The following ELOVL6 variants were observed in gnomAD, a reference collection of about 807,000 sequenced individuals.
ELOVL6 encodes very long chain fatty acid elongase 6.
Under a neutral mutation model 31.7 loss-of-function variants are expected in ELOVL6, and 8 were observed. The ratio of observed to expected loss-of-function variants is 0.25; its 90% CI spans 0.15 to 0.45. ELOVL6 has a LOEUF of 0.45. Ranked by LOEUF, ELOVL6 falls within the 20% of genes least tolerant of loss-of-function variation. The probability of loss-of-function intolerance (pLI) is 1.00; values close to 1 mark genes in which losing one functional copy is unlikely to be tolerated. For synonymous variants in ELOVL6, 101 were observed against 117.7 expected (o/e 0.86, Z 0.92); for missense variants, 126 against 326.4 (o/e 0.39, Z 4.73).
chr4:110,157,104 T>C (rs915889236), intron 1 of ELOVL6, among the ~76,000 whole-genome samples: 2 of 152,050 alleles, frequency 1.3e-5, no homozygotes, highest in Non-Finnish European at 2.9e-5. Context: ...TCACTGCCCA[T>C]TTGGGGTTCT....
intron 3 of ELOVL6, among the ~76,000 whole-genome samples, chr4:110,054,936 T>A (rs1754937612): frequency 6.6e-6 from 1 of 152,144 alleles, no homozygotes; most frequent in Non-Finnish European, 1.5e-5. Context: ...AGAACACATA[T>A]GCACGATGGT....
At chr4:110,167,298 A>G (rs1462042809) in intron 1 of ELOVL6, among the ~76,000 whole-genome samples, 1 of 152,214 alleles carries the variant, frequency 6.6e-6, no homozygotes, top group Non-Finnish European at 1.5e-5. Context: ...TTTAGTACAT[A>G]CAGCGTTAAG....
At chr4:110,058,970 T>C (rs1363293020) in intron 3 of ELOVL6, among the ~76,000 whole-genome samples, 1 of 152,192 alleles carries the variant, frequency 6.6e-6, no homozygotes, top group East Asian at 1.9e-4. Flanking sequence ...TTACTATTTC[T>C]GGTAACCTGT....
chr4:110,111,851 T>C (rs1450970602), intron 1 of ELOVL6, among the ~76,000 whole-genome samples: 1 of 152,146 alleles, frequency 6.6e-6, no homozygotes, highest in Non-Finnish European at 1.5e-5. Context: ...GGGCTAAAGT[T>C]GGGTTGTGTG....
At chr4:110,108,652 TCA>T (rs1756951795) in intron 1 of ELOVL6, among the ~76,000 whole-genome samples, 1 of 152,222 alleles carries the variant, frequency 6.6e-6, no homozygotes, top group South Asian at 2.1e-4. Context: ...CAATAGTCAC[TCA>T]CAGTCACACA....
chr4:110,111,205 C>A (rs1476504313), intron 1 of ELOVL6, among the ~76,000 whole-genome samples: 1 of 152,148 alleles, frequency 6.6e-6, no homozygotes, highest in East Asian at 1.9e-4. Flanking sequence ...TTTAAAAAAT[C>A]TTGGTGCATT....
rs540612561 is a variant in ELOVL6, at chr4:110,122,928, C to T, written c.90-17300G>A. On this transcript the variant is annotated intron_variant, in intron 1 of 3. Coordinates refer to ENST00000302274, the MANE Select transcript of ELOVL6 (RefSeq NM_024090.3). The stretch of plus-strand genomic sequence containing the variant: ...ACTGCTTCTAGGTCAAGTTGCCTAT[C>T]CCTTCCTTCATCACCACTGTGCTTT... Among the ~76,000 whole-genome samples, 8 of 152,290 alleles carry T rather than the reference C, an allele frequency of 5.3e-5. No individual in the cohort carries two copies. The South Asian group carries it at 1.7e-3, about 32-fold the overall frequency.
chr4:110,056,923 T>C (rs541544416), intron 3 of ELOVL6, among the ~76,000 whole-genome samples: 1 of 152,116 alleles, frequency 6.6e-6, no homozygotes, highest in South Asian at 2.1e-4. Context: ...ACAGGTGATA[T>C]TAACATCATC....
At chr4:110,172,875 A>C (rs1010595891) in intron 1 of ELOVL6, among the ~76,000 whole-genome samples, 1 of 152,112 alleles carries the variant, frequency 6.6e-6, no homozygotes, top group Non-Finnish European at 1.5e-5. Flanking sequence ...GCAGGGGAAA[A>C]AGGAAAACCA....
chr4:110,144,434 A>C (rs1560843033), intron 1 of ELOVL6, among the ~76,000 whole-genome samples: 1 of 152,228 alleles, frequency 6.6e-6, no homozygotes, highest in Non-Finnish European at 1.5e-5. Context: ...CATTAAAATC[A>C]TATTTGCTTA....
chr4:110,121,076 C>T (rs867921847), intron 1 of ELOVL6, among the ~76,000 whole-genome samples: 3 of 152,246 alleles, frequency 2.0e-5, no homozygotes, highest in Middle Eastern at 3.4e-3. Context: ...GCTGAGATTA[C>T]AGGCCTGAGC....
At chr4:110,142,682 C>CACTT (rs1231930117) in intron 1 of ELOVL6, among the ~76,000 whole-genome samples, 1 of 152,192 alleles carries the variant, frequency 6.6e-6, no homozygotes, top group Non-Finnish European at 1.5e-5. Context: ...GCCATTTCCT[C>CACTT]ACTTACACTG....
At chr4:110,057,434 T>C (rs145276734) in intron 3 of ELOVL6, among the ~76,000 whole-genome samples, 1 of 152,262 alleles carries the variant, frequency 6.6e-6, no homozygotes, top group Non-Finnish European at 1.5e-5. Flanking sequence ...ATTTATGTAG[T>C]TGTAGTCAGG....
intron 1 of ELOVL6, among the ~76,000 whole-genome samples, chr4:110,192,883 T>G (rs912254431): frequency 1.7e-4 from 26 of 152,312 alleles, no homozygotes; most frequent in African/African-American, 5.8e-4. Context: ...CAATATGAAC[T>G]GTGATACCTC....
At chr4:110,143,618 C>T (rs1758025812) in intron 1 of ELOVL6, among the ~76,000 whole-genome samples, 1 of 151,322 alleles carries the variant, frequency 6.6e-6, no homozygotes, top group Non-Finnish European at 1.5e-5. Flanking sequence ...ATACAGACCT[C>T]CTAAAAAGGA....
chr4:110,072,885 A>G (rs1755531039), intron 2 of ELOVL6, among the ~76,000 whole-genome samples: 1 of 152,160 alleles, frequency 6.6e-6, no homozygotes, highest in South Asian at 2.1e-4. Flanking sequence ...AAAGCCTTCC[A>G]GAGTCCTGTG....
At chr4:110,186,740 GT>G (rs1759450956) in intron 1 of ELOVL6, among the ~76,000 whole-genome samples, 1 of 144,968 alleles carries the variant, frequency 6.9e-6, no homozygotes, top group East Asian at 2.0e-4. Context: ...GGAGGTGGAG[GT>G]TGCAGTGAGT....
At chr4:110,192,664 A>G (rs1759657558) in intron 1 of ELOVL6, among the ~76,000 whole-genome samples, 1 of 152,212 alleles carries the variant, frequency 6.6e-6, no homozygotes, top group Non-Finnish European at 1.5e-5. Context: ...GAATATTTAT[A>G]ATTTATTAAA....
chr4:110,115,988 C>T (rs1433673250), intron 1 of ELOVL6, among the ~76,000 whole-genome samples: 1 of 152,134 alleles, frequency 6.6e-6, no homozygotes, highest in African/African-American at 2.4e-5. Context: ...TCCATGGTCA[C>T]GTCACCTTAT....
Sources: allele counts gnomAD v4.1 joint callset (sites outside exome capture counted in the v4.1 genomes callset), GRCh38; gene constraint gnomAD v4.1.1; transcripts MANE v1.5; gene names NCBI Gene and HGNC (gene_info 2026-07-23, HGNC 2026-07-21).